NAMPT: variants seen among roughly 807,000 people sequenced by gnomAD.
NAMPT encodes the protein NAmPRTase.
In NAMPT, 7 loss-of-function variants were observed where a neutral mutation model predicts 58.7. The observed-to-expected ratio is 0.12, with a 90% confidence interval of 0.07 to 0.22. The LOEUF is 0.22. Among genes scored for constraint, NAMPT ranks in the 10% least tolerant of loss-of-function variants. NAMPT has a pLI of 1.00. For missense variants in NAMPT, 271 were observed against 567.9 expected, an observed-to-expected ratio of 0.48 and a Z score of 5.31; for synonymous variants, 145 against 198.1, an observed-to-expected ratio of 0.73 and a Z score of 2.25.
chr7:106,265,547 G>A (rs1792393414), intron 6 of NAMPT, among the ~76,000 whole-genome samples: 2 of 135,942 alleles, frequency 1.5e-5, no homozygotes, highest in Admixed American at 1.6e-4. Flanking sequence ...AACATACCTT[G>A]TGTGAAACAC....
chr7:106,284,992 G>A, upstream of NAMPT: 2 of 1,472,708 alleles, frequency 1.4e-6, no homozygotes, highest in Non-Finnish European at 1.8e-6. Flanking sequence ...CTGCTCGGTC[G>A]GCGGAGGAGG....
chr7:106,264,748 G>C lies in NAMPT; in HGVS notation c.744-1131C>G, dbSNP rs929740240. Among the ~76,000 whole-genome samples, 16 of 151,954 alleles carry C rather than the reference G, an allele frequency of 1.1e-4. 1 individual carries two copies. Among genetic ancestry groups the C allele is most frequent in the African/African-American group, 3.1e-4 (13 of 41,414 alleles). ...TAATTTTCTAGTCCGCCTCTAATCT[G>C]TTCTCCTCAGTAAATAATAAAAAGA... On this transcript the variant is annotated intron_variant, in intron 6 of 10. Coordinates refer to ENST00000222553, the MANE Select transcript of NAMPT (RefSeq NM_005746.3).
At chr7:106,256,779 C>T (rs1046800093) in intron 8 of NAMPT, among the ~76,000 whole-genome samples, 2 of 152,148 alleles carry the variant, frequency 1.3e-5, no homozygotes, top group African/African-American at 2.4e-5. Context: ...TTCCACTTAA[C>T]GTTTTCAACT....
At chr7:106,261,462 G>T in intron 8 of NAMPT, 126 bp downstream of exon 8, 1 of 772,260 alleles carries the variant, frequency 1.3e-6, no homozygotes, top group Non-Finnish European at 2.0e-6. Context: ...GCAATGCACA[G>T]AGATTTATAC....
upstream of NAMPT, chr7:106,285,284 C>T (rs1023174001): frequency 6.1e-5 from 44 of 717,348 alleles, no homozygotes; most frequent in African/African-American, 1.1e-4. Context: ...CTGGAGGCAG[C>T]GGGGCAGCCC....
At chr7:106,265,567 T>TAAAAAAG (rs1792394120) in intron 6 of NAMPT, among the ~76,000 whole-genome samples, 1 of 116,458 alleles carries the variant, frequency 8.6e-6, no homozygotes, top group African/African-American at 3.3e-5. Context: ...CTCAAAAGCT[T>TAAAAAAG]AAAAAAAAAA....
intron 8 of NAMPT, among the ~76,000 whole-genome samples, chr7:106,260,809 G>A (rs917503801): frequency 6.6e-6 from 1 of 152,198 alleles, no homozygotes; most frequent in African/African-American, 2.4e-5. Context: ...TGGGTAACTG[G>A]TGAAGGAGTC....
At chr7:106,264,883 G>GT (rs1189243356) in intron 6 of NAMPT, among the ~76,000 whole-genome samples, 75 of 145,450 alleles carry the variant, frequency 5.2e-4, no homozygotes, top group East Asian at 1.2e-3. Context: ...GTGTGTGTGT[G>GT]TTTTTTTTTT....
chr7:106,282,724 C>G (rs1404963280), intron 1 of NAMPT, among the ~76,000 whole-genome samples: 1 of 152,212 alleles, frequency 6.6e-6, no homozygotes, highest in Non-Finnish European at 1.5e-5. Context: ...AAATAACTTT[C>G]GTAGTGCTTA....
In NAMPT at chr7:106,284,928, G is replaced by A. The variant is rs556026884; in HGVS notation, c.-44C>T. 1.3e-6 allele frequency: 2 copies of A among 1,562,928 alleles called. No individual in the cohort carries two copies. Among genetic ancestry groups the A allele is most frequent in the African/African-American group, 1.4e-5 (1 of 73,838 alleles). ...GGCCGCGCGCCGCGAGCTCCCTGGC[G>A]CGGCTGCGAGGAAGGAGAAAAATGA... On this transcript the variant is annotated 5_prime_UTR_variant, in exon 1 of 11. Transcript: ENST00000222553.
At chr7:106,259,446 G>C (rs923314981) in intron 8 of NAMPT, among the ~76,000 whole-genome samples, 2 of 151,708 alleles carry the variant, frequency 1.3e-5, no homozygotes, top group African/African-American at 4.8e-5. Flanking sequence ...TCTTTTTTTT[G>C]AGACGGAGTT....
chr7:106,284,114 T>C (rs573528150), intron 1 of NAMPT, among the ~76,000 whole-genome samples: 1 of 152,332 alleles, frequency 6.6e-6, no homozygotes, highest in Admixed American at 6.5e-5. Flanking sequence ...ACAGAAATCC[T>C]GTAATGACCC....
At chr7:106,253,280 C>T in intron 9 of NAMPT, 129 bp from the exon 10 acceptor site, 3 of 882,524 alleles carry the variant, frequency 3.4e-6, no homozygotes, top group Non-Finnish European at 3.4e-6. Flanking sequence ...TATAACTGAA[C>T]CAATCCACAT....
chr7:106,276,424 A>G (rs1000154597), intron 2 of NAMPT: 2 of 152,260 alleles, frequency 1.3e-5, no homozygotes, highest in African/African-American at 4.8e-5. Context: ...AAATATTCTG[A>G]TTGCTACCAT....
intron 8 of NAMPT, among the ~76,000 whole-genome samples, chr7:106,254,747 T>A (rs1335845019): frequency 2.6e-5 from 4 of 152,154 alleles, no homozygotes; most frequent in Non-Finnish European, 5.9e-5. Flanking sequence ...GTGGTTCTGG[T>A]AGGATTCGGG....
intron 8 of NAMPT, among the ~76,000 whole-genome samples, chr7:106,259,661 G>A (rs1462695399): frequency 1.3e-5 from 2 of 152,088 alleles, no homozygotes; most frequent in Non-Finnish European, 2.9e-5. Flanking sequence ...CTGATTGCGT[G>A]ATCTGCCTGT....
chr7:106,252,947 C>T, intron 10 of NAMPT, 70 bp downstream of exon 10: 1 of 1,529,050 alleles, frequency 6.5e-7, no homozygotes, highest in Non-Finnish European at 8.9e-7. Flanking sequence ...AACATAAAAA[C>T]CTCCTTTCTT....
rs1211345559 is a variant in NAMPT at position 106,274,856 on chromosome 7, A to G, written c.318+90T>C. 3.0e-5 allele frequency: 26 copies of G among 876,500 alleles called. No homozygotes were observed. The Admixed American group carries it at 3.5e-4, about 12-fold the overall frequency. The allele number at this position is 876,500 out of a possible 1,614,324, so 54.3% of individuals were successfully genotyped here. On this transcript the variant is annotated intron_variant, in intron 3 of 10. Coordinates refer to ENST00000222553, the MANE Select transcript of NAMPT (RefSeq NM_005746.3). Reference sequence around the variant, plus strand: ...GGTGACAGAGTGACACTTTCTCTCAAAAAACACAAAACAAAAACAAATTCC... The same window carrying G: ...GGTGACAGAGTGACACTTTCTCTCAGAAAACACAAAACAAAAACAAATTCC...
chr7:106,257,531 T>C (rs981712392), intron 8 of NAMPT, among the ~76,000 whole-genome samples: 46 of 150,268 alleles, frequency 3.1e-4, no homozygotes, highest in Non-Finnish European at 5.5e-4. Flanking sequence ...CTCAGGAGGC[T>C]GAGGTGGGAG....
Sources: gnomAD v4.1 joint callset for allele counts (sites outside exome capture counted in the v4.1 genomes callset) on GRCh38, gnomAD v4.1.1 for gene constraint, MANE v1.5 for transcripts, NCBI Gene and HGNC (gene_info 2026-07-23, HGNC 2026-07-21) for gene names.